Variants in KCNC2 observed in about 807,000 individuals in gnomAD.
KCNC2 encodes the protein potassium voltage-gated channel subfamily C member 2.
In KCNC2, 21 loss-of-function variants were observed where a neutral mutation model predicts 44.5. The observed-to-expected ratio is 0.47, with a 90% CI of 0.33 to 0.68. The LOEUF is 0.68. Ranked by LOEUF, KCNC2 falls within the 30% of genes least tolerant of loss-of-function variation. The pLI, the probability that KCNC2 is intolerant of heterozygous loss-of-function variation, is 0.01. For missense variants in KCNC2, 589 were observed against 826.2 expected (o/e 0.71, Z 3.52); for synonymous variants, 391 against 339.1 (o/e 1.15, Z -1.68).
intron 2 of KCNC2, among the ~76,000 whole-genome samples, chr12:75,159,944 C>A: frequency 6.6e-6 from 1 of 151,718 alleles, no homozygotes. Flanking sequence ...AAGTGTCTGT[C>A]CCAGAGTAGG....
chr12:75,061,251 G>C (rs547249254), intron 2 of KCNC2, among the ~76,000 whole-genome samples: 1 of 152,064 alleles, frequency 6.6e-6, no homozygotes, highest in Admixed American at 6.6e-5. Context: ...TCCCCAAGTG[G>C]ATTTTTAAGA....
chr12:75,164,167 CTT>C (rs1216567055), intron 2 of KCNC2, among the ~76,000 whole-genome samples: 2 of 151,630 alleles, frequency 1.3e-5, no homozygotes, highest in Non-Finnish European at 3.0e-5. Context: ...TCATTAGCCT[CTT>C]ATGTCTTTTT....
Position 75,187,538 on chromosome 12 carries a change from T to C in KCNC2, c.687+19759A>G, listed in dbSNP as rs538573080. Among the ~76,000 whole-genome samples, 68 of 152,280 alleles carry C rather than the reference T, an allele frequency of 4.5e-4. 1 individual carries two copies. In the South Asian group the frequency reaches 0.013, roughly 30 times the overall value. ...TTACTGAATTATGCGGAGCTTACAG[T>C]AGCGCAGGCTGGCACTGCTAGGGAG... On this transcript the variant is annotated intron_variant, in intron 2 of 4. Transcript: ENST00000549446.
chr12:75,073,827 T>C (rs998773851), intron 2 of KCNC2, among the ~76,000 whole-genome samples: 2 of 152,172 alleles, frequency 1.3e-5, no homozygotes, highest in African/African-American at 4.8e-5. Context: ...TGTCTCTCAA[T>C]TTATAATTTT....
intron 2 of KCNC2, among the ~76,000 whole-genome samples, chr12:75,171,243 C>T (rs915726140): frequency 3.3e-5 from 5 of 151,768 alleles, no homozygotes; most frequent in African/African-American, 4.8e-5. Flanking sequence ...ATCCCTTCAC[C>T]TTTGCCAGGT....
chr12:75,109,355 C>A (rs982934930), intron 2 of KCNC2, among the ~76,000 whole-genome samples: 12 of 152,130 alleles, frequency 7.9e-5, no homozygotes, highest in Non-Finnish European at 2.9e-5. Context: ...CACCTCTGCG[C>A]TTGATGGCAG....
intron 2 of KCNC2, among the ~76,000 whole-genome samples, chr12:75,140,648 A>G (rs1275530755): frequency 1.3e-5 from 2 of 152,156 alleles, no homozygotes; most frequent in Non-Finnish European, 2.9e-5. Flanking sequence ...TCATGAATAA[A>G]TGGAAAAACC....
chr12:75,062,675 T>A (rs994826223), intron 2 of KCNC2, among the ~76,000 whole-genome samples: 5 of 152,120 alleles, frequency 3.3e-5, no homozygotes, highest in African/African-American at 9.6e-5. Flanking sequence ...AGATTTTTTT[T>A]AAATGATTGT....
At chr12:75,186,823 T>C (rs575643505) in intron 2 of KCNC2, among the ~76,000 whole-genome samples, 1 of 152,304 alleles carries the variant, frequency 6.6e-6, no homozygotes, top group South Asian at 2.1e-4. Flanking sequence ...TCAAATGTTG[T>C]CTTAAATAAT....
chr12:75,055,326 CAAA>C (rs34351452), intron 2 of KCNC2, among the ~76,000 whole-genome samples: 13 of 151,414 alleles, frequency 8.6e-5, no homozygotes, highest in Non-Finnish European at 1.6e-4. Context: ...AATATTGAAG[CAAA>C]AAAAAAAGCC....
intron 2 of KCNC2, among the ~76,000 whole-genome samples, chr12:75,168,616 TA>T (rs1190032315): frequency 2.5e-4 from 38 of 151,654 alleles, no homozygotes; most frequent in Non-Finnish European, 1.5e-4. Context: ...GAAAACAACT[TA>T]AAAAAATTTT....
rs9971851 is a variant in KCNC2, at chr12:75,146,474, G to C, written c.687+60823C>G. On this transcript the variant is annotated intron_variant, in intron 2 of 4. Coordinates refer to ENST00000549446, the MANE Select transcript of KCNC2 (RefSeq NM_139137.4). ...AGATGTATACATGTTATTAAAAGTA[G>C]ATCTGTTTTATTAATTTTAACTGCT... 9.4e-3 allele frequency among the ~76,000 whole-genome samples: 1,427 copies of C among 152,206 alleles called. 26 individuals carry two copies. The highest frequency in any genetic ancestry group is 0.032 in the African/African-American group (1,341 of 41,532).
chr12:75,194,335 G>A (rs1052472477), intron 2 of KCNC2, among the ~76,000 whole-genome samples: 1 of 152,162 alleles, frequency 6.6e-6, no homozygotes. Flanking sequence ...TGAAGATGGA[G>A]ATGCATCTAC....
At position 75,043,160 on chromosome 12, in the gene KCNC2, T is replaced by C; in HGVS notation, c.1862A>G (p.Tyr621Cys). 7.4e-6 allele frequency: 12 copies of C among 1,612,470 alleles called. No individual in the cohort carries two copies. Among genetic ancestry groups the C allele is most frequent in the Non-Finnish European group, 1.0e-5 (12 of 1,179,032 alleles). ...ALRLSPVTSP[Y>C]NSPCPLRRSR... ...GCGCCTCAGAGGACAAGGAGAGTTG[T>C]AGGGTGATGTTACTGGAGAGAGCCT... Residue 621 changes from tyrosine to cysteine, a missense_variant, in exon 5 of 5, where the codon TAC becomes TGC. Around this residue, in one of 7 missense-constraint regions of KCNC2, gnomAD observed 171 missense variants for 182.4 expected, o/e 0.94. Transcript: ENST00000549446.
intron 2 of KCNC2, among the ~76,000 whole-genome samples, chr12:75,201,064 T>C (rs2031204376): frequency 6.6e-6 from 1 of 151,170 alleles, no homozygotes; most frequent in African/African-American, 2.4e-5. Flanking sequence ...ACCTAAGAAA[T>C]GACAGAGCTG....
intron 2 of KCNC2, among the ~76,000 whole-genome samples, chr12:75,165,490 A>C (rs116944900): frequency 6.6e-6 from 1 of 151,622 alleles, no homozygotes; most frequent in Non-Finnish European, 1.5e-5. Context: ...AAATTAGTGA[A>C]TTGTAATTGT....
chr12:75,103,678 T>C (rs12823832), intron 2 of KCNC2, among the ~76,000 whole-genome samples: 1 of 152,136 alleles, frequency 6.6e-6, no homozygotes, highest in Non-Finnish European at 1.5e-5. Context: ...CCCTTATCTT[T>C]GGGGGATATG....
chr12:75,207,714 G>C lies in KCNC2; in HGVS notation c.270C>G (p.Gly90=), dbSNP rs777408446. 1.3e-6 allele frequency: 2 copies of C among 1,578,286 alleles called. No individual in the cohort carries two copies. The highest frequency in any genetic ancestry group is 1.7e-6 in the Non-Finnish European group (2 of 1,162,626). Residue 90 remains glycine (G), a synonymous_variant, in exon 2 of 5, where the codon GGC becomes GGG. Transcript: ENST00000549446. This position sits in a 1 kb window ranked among gnomAD's most constrained non-coding sequence, Gnocchi z 4.1. The part of the protein sequence containing the change: ...GGAGNCSSRG[G]RASDHPGGGR... ...CGCCACCGGGATGGTCGCTGGCCCT[G>C]CCGCCGCGGGAACTGCAGTTGCCCG...
At chr12:75,124,136 A>G (rs1287265313) in intron 2 of KCNC2, 2 of 152,218 alleles carry the variant, frequency 1.3e-5, no homozygotes, top group African/African-American at 2.4e-5. Context: ...TACATTGTAT[A>G]TAACTCCAGA....
Sources: allele counts gnomAD v4.1 joint callset (sites outside exome capture counted in the v4.1 genomes callset), GRCh38; gene constraint gnomAD v4.1.1; regional missense constraint gnomAD v4.1.1; non-coding constraint Gnocchi (gnomAD v3.1); transcripts MANE v1.5; gene names NCBI Gene and HGNC (gene_info 2026-07-23, HGNC 2026-07-21).